The following CLDN10 variants were observed in gnomAD, a reference collection of about 807,000 sequenced individuals.
CLDN10 encodes the protein claudin 10, also known as claudin-10.
A neutral mutation model predicts 22.9 loss-of-function variants in CLDN10; 15 were observed. The ratio of observed to expected loss-of-function variants is 0.65; its 90% CI spans 0.44 to 1.01. The LOEUF (loss-of-function observed/expected upper bound fraction) is 1.01, where lower values mean the gene tolerates loss of function less well. CLDN10 is among the 50% of genes least tolerant of loss of function. The probability of loss-of-function intolerance (pLI) is 0.00; values close to 1 mark genes in which losing one functional copy is unlikely to be tolerated. For synonymous variants in CLDN10, 114 were observed against 111.4 expected, an observed-to-expected ratio of 1.02 and a Z score of -0.15; for missense variants, 247 against 287.8, an observed-to-expected ratio of 0.86 and a Z score of 1.03.
intron 1 of CLDN10, among the ~76,000 whole-genome samples, chr13:95,537,282 G>C (rs1176552222): frequency 2.0e-5 from 3 of 152,126 alleles, no homozygotes; most frequent in Admixed American, 2.0e-4. Context: ...AATCAGTTTT[G>C]GGGGGGTTGT....
chr13:95,434,413 C>G (rs2042243053), intron 1 of CLDN10, among the ~76,000 whole-genome samples: 1 of 144,908 alleles, frequency 6.9e-6, no homozygotes, highest in Non-Finnish European at 1.5e-5. Flanking sequence ...TTAAACTTGT[C>G]TCTCCCTCTC....
chr13:95,474,237 AG>A (rs1245417193), intron 1 of CLDN10, among the ~76,000 whole-genome samples: 16 of 152,198 alleles, frequency 1.1e-4, no homozygotes, highest in Non-Finnish European at 2.1e-4. Flanking sequence ...GATTCTGATA[AG>A]GAGGAGGGAA....
chr13:95,470,473 G>A (rs899493195), intron 1 of CLDN10, among the ~76,000 whole-genome samples: 1 of 152,058 alleles, frequency 6.6e-6, no homozygotes, highest in Non-Finnish European at 1.5e-5. Context: ...CTTGTTTGGG[G>A]AGCGAGTAGT....
At chr13:95,547,974 G>T (rs1253343409), upstream of CLDN10, among the ~76,000 whole-genome samples, 1 of 152,210 alleles carries the variant, frequency 6.6e-6, no homozygotes, top group Non-Finnish European at 1.5e-5. Flanking sequence ...GAATGACTAA[G>T]TTCATTAGGA....
chr13:95,569,404 T>TG (rs1262940625), intron 3 of CLDN10, among the ~76,000 whole-genome samples: 1 of 151,890 alleles, frequency 6.6e-6, no homozygotes, highest in Non-Finnish European at 1.5e-5. Context: ...GCCAACAAGG[T>TG]GAAACCCTGA....
rs572196917 is a variant in CLDN10 at position 95,503,771 on chromosome 13, T to C, written c.215-56361T>C. Among the ~76,000 whole-genome samples, 74 of 152,332 alleles carry C rather than the reference T, an allele frequency of 4.9e-4. No individual in the cohort carries two copies. The South Asian group carries it at 7.0e-3, about 14-fold the overall frequency. On this transcript the variant is annotated intron_variant, in intron 1 of 4. Transcript: ENST00000376873. ...AACAAATGCTGTATAATTCTACTTATATAAGGCACTTAGTCAAAATTATAG... is the reference window on the plus strand; with the variant it reads ...AACAAATGCTGTATAATTCTACTTACATAAGGCACTTAGTCAAAATTATAG...
At chr13:95,485,857 C>A (rs972280986) in intron 1 of CLDN10, among the ~76,000 whole-genome samples, 1 of 152,198 alleles carries the variant, frequency 6.6e-6, no homozygotes, top group African/African-American at 2.4e-5. Context: ...GCTCTTCCCC[C>A]ATTTTTCACT....
chr13:95,528,831 T>C (rs1321039660), intron 1 of CLDN10, among the ~76,000 whole-genome samples: 2 of 152,160 alleles, frequency 1.3e-5, no homozygotes, highest in Non-Finnish European at 2.9e-5. Flanking sequence ...GAAAAAAAGT[T>C]TATTCAATAA....
chr13:95,438,259 A>C (rs2042290803), intron 1 of CLDN10, among the ~76,000 whole-genome samples: 1 of 152,132 alleles, frequency 6.6e-6, no homozygotes, highest in South Asian at 2.1e-4. Context: ...TTATAATTTT[A>C]TTTATAAACA....
At chr13:95,496,100 GC>G (rs1003031573) in intron 1 of CLDN10, among the ~76,000 whole-genome samples, 10 of 152,166 alleles carry the variant, frequency 6.6e-5, no homozygotes, top group African/African-American at 2.4e-4. Context: ...GTTGGATACG[GC>G]CCTTTGCCCT....
intron 1 of CLDN10, among the ~76,000 whole-genome samples, chr13:95,477,890 G>A (rs1177154121): frequency 6.6e-6 from 1 of 152,190 alleles, no homozygotes; most frequent in Admixed American, 6.5e-5. Flanking sequence ...TCGTTAGGGA[G>A]GCTTCTTGGA....
chr13:95,441,031 T>C (rs1477751269), intron 1 of CLDN10, among the ~76,000 whole-genome samples: 2 of 152,210 alleles, frequency 1.3e-5, no homozygotes, highest in African/African-American at 4.8e-5. Flanking sequence ...GGACCTTATC[T>C]CATTTATCCT....
intron 1 of CLDN10, among the ~76,000 whole-genome samples, chr13:95,520,030 G>C (rs1942222384): frequency 6.6e-6 from 1 of 152,178 alleles, no homozygotes; most frequent in Non-Finnish European, 1.5e-5. Context: ...GTGTGTGTGT[G>C]CACGTGCGTA....
At chr13:95,462,424 A>G (rs986675490) in intron 1 of CLDN10, among the ~76,000 whole-genome samples, 1 of 152,240 alleles carries the variant, frequency 6.6e-6, no homozygotes, top group African/African-American at 2.4e-5. Flanking sequence ...TCATGTCATC[A>G]TTCTGTAAAC....
chr13:95,553,230 C>T (rs1320081253), intron 1 of CLDN10, among the ~76,000 whole-genome samples: 2 of 152,174 alleles, frequency 1.3e-5, no homozygotes, highest in Non-Finnish European at 2.9e-5. Context: ...GGGTTGGTGA[C>T]TCCCAGGCGT....
At chr13:95,446,973 T>C (rs1361551397) in intron 1 of CLDN10, among the ~76,000 whole-genome samples, 2 of 152,146 alleles carry the variant, frequency 1.3e-5, no homozygotes, top group African/African-American at 4.8e-5. Context: ...GACTACTACT[T>C]CTAAATCCAG....
At chr13:95,576,331 GAA>G (rs1233843571) in intron 3 of CLDN10, among the ~76,000 whole-genome samples, 3 of 152,142 alleles carry the variant, frequency 2.0e-5, no homozygotes, top group African/African-American at 7.2e-5. Flanking sequence ...ATTTTACACT[GAA>G]AAGCACCAAG....
chr13:95,473,925 T>C (rs558633861), intron 1 of CLDN10, among the ~76,000 whole-genome samples: 6 of 152,192 alleles, frequency 3.9e-5, no homozygotes, highest in Non-Finnish European at 7.3e-5. Context: ...AGTATTAGAA[T>C]GTAATGCAAT....
At chr13:95,514,878 A>G (rs975699425) in intron 1 of CLDN10, among the ~76,000 whole-genome samples, 1 of 152,212 alleles carries the variant, frequency 6.6e-6, no homozygotes, top group African/African-American at 2.4e-5. Context: ...AAGCCATTGC[A>G]GTATCTCAGT....
Sources: allele counts gnomAD v4.1 joint callset (sites outside exome capture counted in the v4.1 genomes callset), GRCh38; gene constraint gnomAD v4.1.1; transcripts MANE v1.5; gene names NCBI Gene and HGNC (gene_info 2026-07-23, HGNC 2026-07-21).